Variants in SNED1 observed in about 807,000 individuals in gnomAD.
SNED1 encodes sushi, nidogen and EGF like domains 1, also known as sushi, nidogen and EGF-like domain-containing protein 1.
Under a neutral mutation model 166.7 loss-of-function variants are expected in SNED1, and 81 were observed. That is an observed-to-expected ratio of 0.49 (90% confidence interval 0.41 to 0.58). SNED1 has a LOEUF of 0.58. Among genes scored for constraint, SNED1 ranks in the 20% least tolerant of loss-of-function variants. The pLI, the probability that SNED1 is intolerant of heterozygous loss-of-function variation, is 0.00. For synonymous variants in SNED1, 762 were observed against 822.0 expected (o/e 0.93, Z 1.25); for missense variants, 1,604 against 2,000.2 (o/e 0.80, Z 3.78).
intron 8 of SNED1, among the ~76,000 whole-genome samples, chr2:241,041,549 G>T (rs966910348): frequency 6.6e-5 from 10 of 152,154 alleles, no homozygotes; most frequent in African/African-American, 2.4e-4. Context: ...GCCAGACGTG[G>T]TGCTGCATGC....
chr2:240,999,568 T>C lies in SNED1; in HGVS notation c.213+518T>C, dbSNP rs1299433235. Among the ~76,000 whole-genome samples, 2 of 152,184 alleles carry C rather than the reference T, an allele frequency of 1.3e-5. No homozygotes were observed. The highest frequency in any genetic ancestry group is 4.8e-5 in the African/African-American group (2 of 41,454). On this transcript the variant is annotated intron_variant, in intron 1 of 31. Transcript: ENST00000310397. This position sits in a 1 kb window ranked among gnomAD's most constrained non-coding sequence, Gnocchi z 5.8. Reference sequence around the variant, plus strand: ...AGGCGCTCAGGGCAGGGCCTGCTTCTTCGCTGACCCTCCTAGGCGGGCTAG... The same window carrying C: ...AGGCGCTCAGGGCAGGGCCTGCTTCCTCGCTGACCCTCCTAGGCGGGCTAG...
In SNED1 at chr2:241,085,860, C is replaced by CTTTT. The variant is rs772995766; in HGVS notation, c.4122-1511_4122-1508dup. On this transcript the variant is annotated intron_variant, in intron 29 of 31. Transcript: ENST00000310397. Reference sequence around the variant, plus strand: ...CTATGGCATGGCCTTTCTGCGGTTTCTTTTTTTTTTTTTTTTTTTTTTTTG... The same window carrying CTTTT: ...CTATGGCATGGCCTTTCTGCGGTTTCTTTTTTTTTTTTTTTTTTTTTTTTTTTTG... Among the ~76,000 whole-genome samples, 122 of 79,150 alleles carry CTTTT rather than the reference C, an allele frequency of 1.5e-3. 3 individuals carry two copies. Among genetic ancestry groups the CTTTT allele is most frequent in the African/African-American group, 3.4e-3 (67 of 19,654 alleles). 51.9% of individuals were successfully genotyped at this position (79,150 alleles called of 152,430 possible). A position where few individuals can be genotyped will look rare whatever the true frequency, so the allele number is the denominator to read the frequency against.
chr2:241,030,754 A>G lies in SNED1; in HGVS notation c.501+183A>G, dbSNP rs774312453. Among the ~76,000 whole-genome samples the G allele has an allele frequency of 3.9e-5, 6 of 152,304 alleles. No homozygotes were observed. The East Asian group carries it at 5.8e-4, about 15-fold the overall frequency. ...GAGGACACGTCCCCAACCTTCCCCAATGCTCCTGGAAGCCACTTGCCTCCA... is the reference window on the plus strand; with the variant it reads ...GAGGACACGTCCCCAACCTTCCCCAGTGCTCCTGGAAGCCACTTGCCTCCA... On this transcript the variant is annotated intron_variant, in intron 2 of 31. Transcript: ENST00000310397.
At position 241,091,542 on chromosome 2, in the gene SNED1, C is replaced by T. The variant is rs1427083139; in HGVS notation, c.*2-96C>T. The T allele has an allele frequency of 7.8e-6, 1 of 128,436 alleles. No individual in the cohort carries two copies. Among genetic ancestry groups the T allele is most frequent in the East Asian group, 2.6e-4 (1 of 3,864 alleles). The allele number at this position is 128,436 out of a possible 1,614,324, so 8.0% of individuals were successfully genotyped here. On this transcript the variant is annotated intron_variant, in intron 31 of 31. Transcript: ENST00000310397. The surrounding 1 kb of genome is among the most constrained non-coding windows in gnomAD (Gnocchi z 4.1). ...TGGGGTCCTCTGGGTGACAGAGGCC[C>T]TGAGGGCCACTAAGAGAAGCAGGAA...
chr2:241,046,490 T>C (rs1412870076), intron 8 of SNED1, among the ~76,000 whole-genome samples: 2 of 152,214 alleles, frequency 1.3e-5, no homozygotes, highest in Admixed American at 6.5e-5. Flanking sequence ...CAATTATAGA[T>C]ACATACGACA....
rs1253122452 is a variant in SNED1, at chr2:241,069,063, TC to T, written c.3307+41del. The stretch of plus-strand genomic sequence containing the variant: ...GCGGCCCCCGGCACACGAAAGGCCG[TC>T]TTCTAGAAGCTCTGGCTTCCTTCCA... On this transcript the variant is annotated intron_variant, in intron 23 of 31. Transcript: ENST00000310397. This position sits in a 1 kb window ranked among gnomAD's most constrained non-coding sequence, Gnocchi z 4.9. 3 of 1,388,480 alleles carry T rather than the reference TC, an allele frequency of 2.2e-6. No homozygotes were observed. The highest frequency in any genetic ancestry group is 3.0e-6 in the Non-Finnish European group (3 of 1,009,626). The allele number at this position is 1,388,480 out of a possible 1,614,324, so 86.0% of individuals were successfully genotyped here.
intron 31 of SNED1, chr2:241,089,184 T>G: frequency 9.5e-7 from 1 of 1,050,434 alleles, no homozygotes; most frequent in Non-Finnish European, 1.4e-6. Context: ...AGTTTCATAC[T>G]GACCATCATT....
intron 16 of SNED1, among the ~76,000 whole-genome samples, chr2:241,056,198 A>G (rs1208517400): frequency 1.3e-5 from 2 of 152,240 alleles, no homozygotes; most frequent in African/African-American, 4.8e-5. Context: ...GATTGAGAGA[A>G]TAGAAAATTT....
rs367610382 is a variant in SNED1 at position 241,070,071 on chromosome 2, C to G, written c.3459C>G (p.Asn1153Lys). The change falls in exon 24 of 32, where the codon AAC becomes AAG. Residue 1153 changes from asparagine to lysine, a missense_variant. Coordinates refer to ENST00000310397, the MANE Select transcript of SNED1 (RefSeq NM_001080437.3). ...SQSTKSRYVP[N>K]GKLASYTVRD... ...GCACCAAGAGCCGCTATGTCCCCAA[C>G]GGGAAGCTGGCGTCCTACACGGTGC... 6.2e-7 allele frequency: 1 copy of G among 1,612,980 alleles called. No homozygotes were observed.
At chr2:241,087,942 G>A (rs1007687039) in intron 30 of SNED1, 5 of 403,812 alleles carry the variant, frequency 1.2e-5, no homozygotes, top group African/African-American at 6.2e-5. Context: ...CCACAGAGTC[G>A]AAGCCTGTCA....
intron 16 of SNED1, among the ~76,000 whole-genome samples, chr2:241,059,683 A>G (rs113874942): frequency 6.7e-4 from 102 of 152,384 alleles, no homozygotes; most frequent in African/African-American, 2.4e-3. Context: ...AGAAAACTAT[A>G]TATCTCAATA....
chr2:241,049,958 C>A, intron 12 of SNED1, 25 bp downstream of exon 12: 1 of 1,565,270 alleles, frequency 6.4e-7, no homozygotes, highest in Non-Finnish European at 8.8e-7. Flanking sequence ...GGCGTCCGGG[C>A]CGGCGTCAGC....
chr2:241,049,113 C>T lies in SNED1; in HGVS notation c.1596C>T (p.His532=), dbSNP rs1421307707. 6.2e-6 allele frequency: 10 copies of T among 1,611,636 alleles called. No homozygotes were observed. The highest frequency in any genetic ancestry group is 1.1e-5 in the South Asian group (1 of 90,702). ...EHGGSYLCVC[H]TDHNASHSLP... is the part of the protein sequence containing the mutation. ...GCGGGAGCTACCTCTGCGTCTGCCA[C>T]ACCGACCACAATGCCAGCCACTGTG... Residue 532 remains histidine, a synonymous_variant, in exon 11 of 32, where the codon CAC becomes CAT. Transcript: ENST00000310397.
chr2:241,037,908 A>G (rs968688349), intron 6 of SNED1, among the ~76,000 whole-genome samples: 1 of 152,140 alleles, frequency 6.6e-6, no homozygotes, highest in Non-Finnish European at 1.5e-5. Flanking sequence ...GTCCCTCTCC[A>G]TCCTCACTGC....
chr2:241,025,777 T>C (rs184811544), intron 1 of SNED1, among the ~76,000 whole-genome samples: 2 of 152,278 alleles, frequency 1.3e-5, no homozygotes, highest in Admixed American at 1.3e-4. Flanking sequence ...TTTTAGCACG[T>C]TGAAAATATG....
At chr2:241,034,523 C>T in intron 3 of SNED1, 45 bp from the exon 4 acceptor site, 1 of 1,530,378 alleles carries the variant, frequency 6.5e-7, no homozygotes, top group South Asian at 1.2e-5. Context: ...CCTCTGTAGA[C>T]CTGGGGAACT....
intron 30 of SNED1, chr2:241,087,794 C>T (rs1031822890): frequency 7.3e-5 from 61 of 830,158 alleles, no homozygotes; most frequent in Non-Finnish European, 9.4e-5. Context: ...ATTTAATGGC[C>T]GATATAGCGC....
chr2:241,060,045 G>A (rs1019999118), intron 16 of SNED1, among the ~76,000 whole-genome samples: 1 of 152,180 alleles, frequency 6.6e-6, no homozygotes, highest in African/African-American at 2.4e-5. Context: ...TAGATCCCAG[G>A]ATACAGGGTC....
chr2:241,089,239 C>G, intron 31 of SNED1: 1 of 1,486,028 alleles, frequency 6.7e-7, no homozygotes, highest in Non-Finnish European at 9.0e-7. Flanking sequence ...TCTGGTTGGC[C>G]TAGGACAGCT....
Sources: gnomAD v4.1 joint callset for allele counts (sites outside exome capture counted in the v4.1 genomes callset) on GRCh38, gnomAD v4.1.1 for gene constraint, Gnocchi (gnomAD v3.1) non-coding constraint, MANE v1.5 for transcripts, NCBI Gene and HGNC (gene_info 2026-07-23, HGNC 2026-07-21) for gene names.